CNTNAP2: variants seen among roughly 807,000 people sequenced by gnomAD.
CNTNAP2 encodes contactin-associated protein-like 2.
CNTNAP2 carries 98 observed loss-of-function variants against 155.2 expected under a neutral mutation model. The ratio of observed to expected loss-of-function variants is 0.63; its 90% CI spans 0.54 to 0.75. The LOEUF (loss-of-function observed/expected upper bound fraction) is 0.75, where lower values mean the gene tolerates loss of function less well. Among genes scored for constraint, CNTNAP2 ranks in the 30% least tolerant of loss-of-function variants. CNTNAP2 has a pLI of 0.00. For synonymous variants in CNTNAP2, 651 were observed against 631.2 expected, an observed-to-expected ratio of 1.03 and a Z score of -0.47; for missense variants, 1,727 against 1,688.1, an observed-to-expected ratio of 1.02 and a Z score of -0.40.
chr7:147,890,273 T>A (rs1035641706), intron 13 of CNTNAP2, among the ~76,000 whole-genome samples: 2 of 152,140 alleles, frequency 1.3e-5, no homozygotes, highest in African/African-American at 4.8e-5. Flanking sequence ...TAAAGTGGTA[T>A]TTTGATAGAA....
chr7:146,202,756 T>C lies in CNTNAP2; in HGVS notation c.97+85783T>C, dbSNP rs73739537. 5.8e-3 allele frequency among the ~76,000 whole-genome samples: 883 copies of C among 152,276 alleles called. 6 individuals carry two copies. The highest frequency in any genetic ancestry group is 0.02 in the African/African-American group (849 of 41,550). ...TCTGTCATGGTTAATTCTATTATCA[T>C]ATAAAACTGCATAAAAATAATGAGT... On this transcript the variant is annotated intron_variant, in intron 1 of 23. Transcript: ENST00000361727.
intron 15 of CNTNAP2, among the ~76,000 whole-genome samples, chr7:148,054,926 A>T (rs112672337): frequency 7.9e-4 from 116 of 146,850 alleles, no homozygotes; most frequent in African/African-American, 2.9e-3. Flanking sequence ...TCTGTCAGCC[A>T]GGCTGGAGTG....
chr7:146,329,493 T>C (rs2129094240), intron 1 of CNTNAP2, among the ~76,000 whole-genome samples: 1 of 152,298 alleles, frequency 6.6e-6, no homozygotes, highest in Non-Finnish European at 1.5e-5. Flanking sequence ...TAAAAATATA[T>C]TTTGGGAGTC....
chr7:148,368,901 C>T (rs564093119), intron 21 of CNTNAP2, among the ~76,000 whole-genome samples: 2 of 152,234 alleles, frequency 1.3e-5, no homozygotes, highest in African/African-American at 4.8e-5. Flanking sequence ...GGTCAGGGGT[C>T]GAATTTTAAC....
chr7:146,487,832 C>T (rs1173110703), intron 1 of CNTNAP2, among the ~76,000 whole-genome samples: 4 of 152,138 alleles, frequency 2.6e-5, no homozygotes, highest in Admixed American at 6.6e-5. Flanking sequence ...CCCAGCTCCA[C>T]GTGCTTCATT....
intron 10 of CNTNAP2, among the ~76,000 whole-genome samples, chr7:147,483,075 A>G (rs1213513482): frequency 6.6e-6 from 1 of 151,854 alleles, no homozygotes; most frequent in Non-Finnish European, 1.5e-5. Context: ...TAATAAAAAT[A>G]AGAATTATAA....
At chr7:146,544,170 C>T (rs780764132) in intron 1 of CNTNAP2, among the ~76,000 whole-genome samples, 4 of 151,910 alleles carry the variant, frequency 2.6e-5, no homozygotes, top group Admixed American at 1.3e-4. Context: ...TCTAATAACA[C>T]AGAGTTCTCA....
chr7:147,356,727 A>C (rs1796068400), intron 9 of CNTNAP2, among the ~76,000 whole-genome samples: 1 of 152,122 alleles, frequency 6.6e-6, no homozygotes, highest in Admixed American at 6.6e-5. Context: ...TGTACTGTAA[A>C]ATTTGTACAT....
rs561133824 is a variant in CNTNAP2 at position 147,187,207 on chromosome 7, G to T, written c.1348+54698G>T. On this transcript the variant is annotated intron_variant, in intron 8 of 23. Coordinates refer to ENST00000361727, the MANE Select transcript of CNTNAP2 (RefSeq NM_014141.6). Reference sequence around the variant, plus strand: ...AACAGTGGTGGTGGAGATGGAGAGAGAGTGCTGCAGTTGAGGCATGTCTGA... The same window carrying T: ...AACAGTGGTGGTGGAGATGGAGAGATAGTGCTGCAGTTGAGGCATGTCTGA... Among the ~76,000 whole-genome samples, 5 of 152,252 alleles carry T rather than the reference G, an allele frequency of 3.3e-5. No homozygotes were observed. In the South Asian group the frequency reaches 1.0e-3, roughly 32 times the overall value.
chr7:147,057,508 C>T (rs1381876940), intron 4 of CNTNAP2, among the ~76,000 whole-genome samples: 2 of 152,132 alleles, frequency 1.3e-5, no homozygotes, highest in African/African-American at 4.8e-5. Context: ...CCATCCTCGA[C>T]ATTGTTGATA....
chr7:146,535,936 A>G (rs1258879428), intron 1 of CNTNAP2, among the ~76,000 whole-genome samples: 1 of 152,138 alleles, frequency 6.6e-6, no homozygotes, highest in African/African-American at 2.4e-5. Flanking sequence ...GCTTACAAAG[A>G]AATGTGATGA....
intron 13 of CNTNAP2, among the ~76,000 whole-genome samples, chr7:147,647,248 G>A (rs1434979474): frequency 2.0e-5 from 3 of 151,164 alleles, no homozygotes; most frequent in Admixed American, 6.6e-5. Context: ...CAATCTGCCC[G>A]CCTTGGCCTC....
intron 4 of CNTNAP2, among the ~76,000 whole-genome samples, chr7:147,079,610 A>G (rs934671658): frequency 1.4e-5 from 2 of 143,744 alleles, no homozygotes; most frequent in African/African-American, 2.5e-5. Context: ...TAATAATGAT[A>G]ATAATAATAA....
intron 3 of CNTNAP2, among the ~76,000 whole-genome samples, chr7:146,937,384 T>TA (rs1554412068): frequency 0.04 from 5,976 of 148,724 alleles, 130 homozygotes; most frequent in South Asian, 0.075. Context: ...TAAAATAAAA[T>TA]AAATAAAAGC....
intron 1 of CNTNAP2, among the ~76,000 whole-genome samples, chr7:146,493,121 C>T (rs1308460537): frequency 1.3e-5 from 2 of 152,166 alleles, no homozygotes; most frequent in East Asian, 3.9e-4. Context: ...TTGACATGAA[C>T]TCAGTTTGAG....
intron 8 of CNTNAP2, among the ~76,000 whole-genome samples, chr7:147,254,689 A>T (rs1241717271): frequency 6.6e-6 from 1 of 152,218 alleles, no homozygotes; most frequent in African/African-American, 2.4e-5. Flanking sequence ...GGGCTTGCTT[A>T]TGTTGGTGAA....
At chr7:147,703,832 A>G (rs1034302107) in intron 13 of CNTNAP2, among the ~76,000 whole-genome samples, 3 of 151,966 alleles carry the variant, frequency 2.0e-5, no homozygotes, top group Non-Finnish European at 2.9e-5. Context: ...TGCACTCTTT[A>G]CCCAACTTCT....
intron 13 of CNTNAP2, among the ~76,000 whole-genome samples, chr7:147,701,771 T>C (rs1796238732): frequency 6.6e-6 from 1 of 152,190 alleles, no homozygotes; most frequent in Non-Finnish European, 1.5e-5. Flanking sequence ...AGAGCACATA[T>C]CAGAAAACTT....
At chr7:147,124,529 G>A (rs1378353047) in intron 6 of CNTNAP2, among the ~76,000 whole-genome samples, 2 of 152,096 alleles carry the variant, frequency 1.3e-5, no homozygotes, top group East Asian at 3.9e-4. Context: ...GTTGCAAAGA[G>A]GTGCCTAATA....
Sources: allele counts gnomAD v4.1 joint callset (sites outside exome capture counted in the v4.1 genomes callset), GRCh38; gene constraint gnomAD v4.1.1; transcripts MANE v1.5; gene names NCBI Gene and HGNC (gene_info 2026-07-23, HGNC 2026-07-21).